SLC36A1: variants seen among roughly 807,000 people sequenced by gnomAD.
The protein encoded by SLC36A1 is solute carrier family 36 member 1, also known as proton-coupled amino acid transporter 1.
In SLC36A1, 30 loss-of-function variants were observed where a neutral mutation model predicts 47.5. The observed-to-expected ratio is 0.63, with a 90% CI of 0.47 to 0.86. The LOEUF is 0.86. SLC36A1 is among the 40% of genes least tolerant of loss of function. SLC36A1 has a pLI of 0.00. For synonymous variants in SLC36A1, 255 were observed against 249.7 expected, an observed-to-expected ratio of 1.02 and a Z score of -0.20; for missense variants, 517 against 606.0, an observed-to-expected ratio of 0.85 and a Z score of 1.54.
At chr5:151,540,993 A>G in the SLC36A1 span, among the ~76,000 whole-genome samples, 1 of 152,234 alleles carries the variant, frequency 6.6e-6, no homozygotes, top group African/African-American at 2.4e-5. Flanking sequence ...AAGAAGCATC[A>G]CTTCAAAATA....
chr5:151,403,649 TAGCA>T, the SLC36A1 span, among the ~76,000 whole-genome samples: 3 of 152,206 alleles, frequency 2.0e-5, no homozygotes, highest in Non-Finnish European at 4.4e-5. Flanking sequence ...TATTTCTTTA[TAGCA>T]ATGCAAGAAT....
the SLC36A1 span, among the ~76,000 whole-genome samples, chr5:151,423,039 ACAT>A: frequency 6.6e-6 from 1 of 152,234 alleles, no homozygotes; most frequent in South Asian, 2.1e-4. Context: ...AAGATGCTCC[ACAT>A]CATATGTCAC....
chr5:151,530,609 C>A, the SLC36A1 span, among the ~76,000 whole-genome samples: 1 of 152,200 alleles, frequency 6.6e-6, no homozygotes, highest in East Asian at 1.9e-4. Flanking sequence ...TACTAACAAA[C>A]CAGTTTCGAA....
chr5:151,535,862 A>C, the SLC36A1 span, among the ~76,000 whole-genome samples: 1 of 152,142 alleles, frequency 6.6e-6, no homozygotes, highest in South Asian at 2.1e-4. Flanking sequence ...GTATGGGGAA[A>C]ACCCACACAC....
intron 1 of SLC36A1, among the ~76,000 whole-genome samples, chr5:151,458,327 T>C (rs182658795): frequency 0.064 from 7,327 of 114,732 alleles, 197 homozygotes; most frequent in Non-Finnish European, 0.069. Flanking sequence ...TATATATATA[T>C]ATATATGGGA....
the SLC36A1 span, among the ~76,000 whole-genome samples, chr5:151,520,608 ACT>A: frequency 6.6e-6 from 1 of 151,996 alleles, no homozygotes; most frequent in Non-Finnish European, 1.5e-5. Context: ...TGCTTTTATA[ACT>A]CTTACGTAAT....
At position 151,467,014 on chromosome 5, in the gene SLC36A1, A is replaced by G. The variant is rs78342378; in HGVS notation, c.420-185A>G. Among the ~76,000 whole-genome samples the G allele has an allele frequency of 3.1e-3, 474 of 152,324 alleles. 6 individuals are homozygous for G. Among genetic ancestry groups the G allele is most frequent in the Middle Eastern group, 6.8e-3 (2 of 294 alleles). The stretch of plus-strand genomic sequence containing the variant: ...AAAAAACACTTAATGGGCACAATGT[A>G]CACTGTTTGGGTGATGGGTACACTA... On this transcript the variant is annotated intron_variant, in intron 5 of 10. Transcript: ENST00000243389.
chr5:151,366,506 C>T, the SLC36A1 span: 2 of 302,440 alleles, frequency 6.6e-6, no homozygotes, highest in African/African-American at 2.3e-5. Context: ...CTGATCAGGG[C>T]GTCCTTGGTG....
chr5:151,512,043 T>A, the SLC36A1 span: 2,836 of 839,774 alleles, frequency 3.4e-3, 57 homozygotes, highest in African/African-American at 0.042. The surrounding 1 kb of genome is among the most constrained non-coding windows in gnomAD (Gnocchi z 4.1). Context: ...TACTCACAAG[T>A]TAGGGGAAGA....
At chr5:151,387,078 T>C in the SLC36A1 span, 1 of 152,304 alleles carries the variant, frequency 6.6e-6, no homozygotes, top group Non-Finnish European at 1.5e-5. Flanking sequence ...TTACAAAGCA[T>C]GGCAGAGCCA....
intron 10 of SLC36A1, among the ~76,000 whole-genome samples, chr5:151,487,467 G>C (rs996901308): frequency 1.3e-5 from 2 of 152,054 alleles, no homozygotes; most frequent in Non-Finnish European, 2.9e-5. Flanking sequence ...TTTTTCACCT[G>C]TATCAAAATG....
the SLC36A1 span, chr5:151,387,069 T>G: frequency 6.6e-6 from 1 of 152,268 alleles, no homozygotes; most frequent in African/African-American, 2.4e-5. Context: ...TCACATGTCT[T>G]ACAAAGCATG....
the SLC36A1 span, chr5:151,544,767 G>T: frequency 6.2e-7 from 1 of 1,614,192 alleles, no homozygotes; most frequent in South Asian, 1.1e-5. Context: ...CCCCAAGATA[G>T]GGGTCAATTC....
At chr5:151,457,756 A>G (rs1458353761) in intron 1 of SLC36A1, among the ~76,000 whole-genome samples, 1 of 152,134 alleles carries the variant, frequency 6.6e-6, no homozygotes, top group Non-Finnish European at 1.5e-5. Flanking sequence ...GCAGAGAGAA[A>G]GAGAACGGCA....
chr5:151,467,116 C>T, intron 5 of SLC36A1, 83 bp from the exon 6 acceptor site: 1 of 1,120,648 alleles, frequency 8.9e-7, no homozygotes, highest in South Asian at 1.3e-5. Flanking sequence ...TATTAAAAAA[C>T]AAAAACAAAA....
the SLC36A1 span, chr5:151,517,740 C>G: frequency 1.2e-6 from 2 of 1,614,224 alleles, no homozygotes; most frequent in East Asian, 4.5e-5. Context: ...GCACATAGCT[C>G]TGACCACTGA....
chr5:151,444,483 T>C (rs1752806416), upstream of SLC36A1, among the ~76,000 whole-genome samples: 1 of 152,188 alleles, frequency 6.6e-6, no homozygotes, highest in Non-Finnish European at 1.5e-5. Flanking sequence ...TGTATAAAAA[T>C]ATTATTGATT....
the SLC36A1 span, among the ~76,000 whole-genome samples, chr5:151,390,923 G>A: frequency 1.3e-5 from 2 of 152,094 alleles, no homozygotes; most frequent in Non-Finnish European, 1.5e-5. Flanking sequence ...CTTTAAAGTC[G>A]TTTTTTTCCA....
chr5:151,505,761 C>G, the SLC36A1 span: 257 of 1,613,808 alleles, frequency 1.6e-4, 1 homozygote, highest in African/African-American at 2.5e-3. Context: ...GGGCCCTCCC[C>G]CTCCCTGCCG....
Sources: gnomAD v4.1 joint callset for allele counts (sites outside exome capture counted in the v4.1 genomes callset) on GRCh38, gnomAD v4.1.1 for gene constraint, Gnocchi (gnomAD v3.1) non-coding constraint, MANE v1.5 for transcripts, NCBI Gene and HGNC (gene_info 2026-07-23, HGNC 2026-07-21) for gene names.